GARIN3: variants seen among roughly 807,000 people sequenced by gnomAD.
The protein encoded by GARIN3 is Golgi-associated RAB2 interactor protein 3.
the GARIN3 span, among the ~76,000 whole-genome samples, chr5:157,165,199 AC>A: frequency 6.6e-6 from 1 of 152,196 alleles, no homozygotes; most frequent in Non-Finnish European, 1.5e-5. Flanking sequence ...ACAAAGCTAC[AC>A]CTACACCCCT....
the GARIN3 span, chr5:157,163,151 A>G: frequency 6.2e-7 from 1 of 1,614,174 alleles, no homozygotes; most frequent in Non-Finnish European, 8.5e-7. Flanking sequence ...GCCGCACTCA[A>G]GCTGCTGTCT....
chr5:157,165,757 G>T, the GARIN3 span: 1 of 1,613,988 alleles, frequency 6.2e-7, no homozygotes, highest in South Asian at 1.1e-5. Flanking sequence ...CGCAGCTGCT[G>T]TTTCTCATGA....
the GARIN3 span, chr5:157,165,929 GA>G: frequency 6.2e-7 from 1 of 1,614,206 alleles, no homozygotes; most frequent in East Asian, 2.2e-5. Context: ...GCAGTGGGAG[GA>G]TGGGGCTGGT....
At chr5:157,164,987 C>G in the GARIN3 span, among the ~76,000 whole-genome samples, 2 of 151,964 alleles carry the variant, frequency 1.3e-5, no homozygotes, top group East Asian at 3.9e-4. Flanking sequence ...CCATTGCACT[C>G]CAGCCTGGGA....
At chr5:157,164,419 T>C in the GARIN3 span, among the ~76,000 whole-genome samples, 3 of 152,216 alleles carry the variant, frequency 2.0e-5, no homozygotes, top group African/African-American at 7.2e-5. Flanking sequence ...CTCAAAGTGC[T>C]GGGTTAACAA....
At chr5:157,163,099 C>G in the GARIN3 span, 9 of 1,614,260 alleles carry the variant, frequency 5.6e-6, no homozygotes, top group Non-Finnish European at 7.6e-6. Flanking sequence ...TCCTTCAGTT[C>G]TTTCTGCTGC....
At chr5:157,166,125 T>C in the GARIN3 span, 3 of 1,614,098 alleles carry the variant, frequency 1.9e-6, no homozygotes, top group African/African-American at 2.7e-5. Context: ...CATTGAAGAG[T>C]AGCTGTGGGC....
the GARIN3 span, chr5:157,165,514 G>A: frequency 5.2e-6 from 8 of 1,552,212 alleles, no homozygotes; most frequent in Non-Finnish European, 6.9e-6. Context: ...GCTTTGAACT[G>A]CTCCCCCAAA....
At chr5:157,163,858 C>T in the GARIN3 span, among the ~76,000 whole-genome samples, 1 of 152,290 alleles carries the variant, frequency 6.6e-6, no homozygotes, top group African/African-American at 2.4e-5. Context: ...GAGTTCAAGA[C>T]CAGCCTTGCC....
At chr5:157,165,807 C>T in the GARIN3 span, 3 of 1,614,128 alleles carry the variant, frequency 1.9e-6, no homozygotes, top group Non-Finnish European at 2.5e-6. Context: ...GGGAAGCAGT[C>T]TCGTGAGCTC....
the GARIN3 span, chr5:157,163,488 T>C: frequency 1.2e-6 from 2 of 1,614,216 alleles, no homozygotes. Flanking sequence ...CTGCTCCTCC[T>C]TCAGCAGCCC....
At chr5:157,163,579 GAA>G in the GARIN3 span, 1 of 1,614,176 alleles carries the variant, frequency 6.2e-7, no homozygotes. Context: ...AGCATAAGCA[GAA>G]GAGGTGGCTG....
chr5:157,164,294 C>T, the GARIN3 span, among the ~76,000 whole-genome samples: 17 of 151,950 alleles, frequency 1.1e-4, no homozygotes, highest in African/African-American at 4.1e-4. Flanking sequence ...GGACTACAGG[C>T]GCCCACCACC....
At chr5:157,164,047 G>A in the GARIN3 span, among the ~76,000 whole-genome samples, 32 of 150,922 alleles carry the variant, frequency 2.1e-4, no homozygotes, top group African/African-American at 7.8e-4. Context: ...AGGCAACAGA[G>A]TGAGACACTG....
the GARIN3 span, chr5:157,163,175 C>A: frequency 3.1e-6 from 5 of 1,614,036 alleles, no homozygotes; most frequent in South Asian, 1.1e-5. Context: ...GAGAGACTGG[C>A]GGCCCCCGCC....
chr5:157,163,448 C>T, the GARIN3 span: 1 of 1,614,126 alleles, frequency 6.2e-7, no homozygotes, highest in Admixed American at 1.7e-5. Context: ...GTTGCTGTTC[C>T]TGCCACTGCC....
chr5:157,165,879 T>C, the GARIN3 span: 1 of 1,614,134 alleles, frequency 6.2e-7, no homozygotes, highest in South Asian at 1.1e-5. Context: ...GACATGCTGT[T>C]CACAGATTTT....
chr5:157,163,533 C>T, the GARIN3 span: 17 of 1,614,004 alleles, frequency 1.1e-5, no homozygotes, highest in South Asian at 4.4e-5. Flanking sequence ...CCGCACTAGC[C>T]GTTCCGTGGG....
At chr5:157,165,547 C>G in the GARIN3 span, 12 of 1,591,042 alleles carry the variant, frequency 7.5e-6, no homozygotes, top group African/African-American at 1.4e-5. Flanking sequence ...TGTTCTCGAG[C>G]CTTTGAGAGG....
Sources: allele counts gnomAD v4.1 joint callset (sites outside exome capture counted in the v4.1 genomes callset), GRCh38; gene constraint gnomAD v4.1.1; transcripts MANE v1.5; gene names NCBI Gene and HGNC (gene_info 2026-07-23, HGNC 2026-07-21).